SVEP1: variants seen among roughly 807,000 people sequenced by gnomAD.
The protein encoded by SVEP1 is sushi, von Willebrand factor type A, EGF and pentraxin domain containing 1.
Under a neutral mutation model 367.3 loss-of-function variants are expected in SVEP1, and 164 were observed. That is an observed-to-expected ratio of 0.45 (90% CI 0.39 to 0.51). SVEP1 has a LOEUF of 0.51. Among genes scored for constraint, SVEP1 ranks in the 20% least tolerant of loss-of-function variants. The probability of loss-of-function intolerance (pLI) is 0.00; values close to 1 mark genes in which losing one functional copy is unlikely to be tolerated. For synonymous variants in SVEP1, 1,666 were observed against 1,611.6 expected, an observed-to-expected ratio of 1.03 and a Z score of -0.81; for missense variants, 4,117 against 4,425.3, an observed-to-expected ratio of 0.93 and a Z score of 1.98.
At chr9:110,509,056 C>T (rs1829670378) in intron 5 of SVEP1, among the ~76,000 whole-genome samples, 1 of 152,086 alleles carries the variant, frequency 6.6e-6, no homozygotes, top group South Asian at 2.1e-4. Context: ...CTACTTTCTC[C>T]ATACTACCCA....
At chr9:110,546,475 TC>T (rs1475804116) in intron 2 of SVEP1, among the ~76,000 whole-genome samples, 184 bp from the exon 3 acceptor site, 11 of 152,204 alleles carry the variant, frequency 7.2e-5, no homozygotes, top group Non-Finnish European at 1.5e-4. Context: ...CTCTGGGAAT[TC>T]GTTGAAGCCA....
intron 46 of SVEP1, among the ~76,000 whole-genome samples, chr9:110,373,288 C>CAA: frequency 6.6e-6 from 1 of 152,286 alleles, no homozygotes; most frequent in South Asian, 2.1e-4. Context: ...GCCTCCAGGA[C>CAA]ATATTTCCTT....
chr9:110,430,122 T>G (rs201777542), intron 33 of SVEP1, 118 bp from the exon 34 acceptor site: 15,758 of 890,076 alleles, frequency 0.018, no homozygotes, highest in East Asian at 0.041. Flanking sequence ...TTTTTTTTTT[T>G]GGTGTGTGTG....
At chr9:110,503,471 G>C (rs1221158489) in intron 5 of SVEP1, among the ~76,000 whole-genome samples, 1 of 152,176 alleles carries the variant, frequency 6.6e-6, no homozygotes, top group Admixed American at 6.5e-5. Flanking sequence ...ACCTGTCTAA[G>C]AGGCCTGGCC....
At chr9:110,370,264 T>C (rs760726566) in intron 46 of SVEP1, among the ~76,000 whole-genome samples, 2 of 152,282 alleles carry the variant, frequency 1.3e-5, no homozygotes, top group African/African-American at 2.4e-5. Flanking sequence ...TACCTACTTA[T>C]TGAAGCCTTT....
At chr9:110,458,650 C>A (rs13287717) in intron 19 of SVEP1, 88 bp from the exon 20 acceptor site, 103,809 of 1,307,950 alleles carry the variant, frequency 0.079, 4,637 homozygotes, top group Non-Finnish European at 0.092. Context: ...TTCTGGTTGT[C>A]AGAGTGGGTA....
rs530715271 is a variant in SVEP1 at position 110,544,576 on chromosome 9, A to G, written c.964+1539T>C. ...AAAAATATAAAGATCTTCTTATAAG[A>G]AAACCTAGAGACGGAAAAATTACAA... On this transcript the variant is annotated intron_variant, in intron 3 of 47. Transcript: ENST00000374469. 2.4e-4 allele frequency among the ~76,000 whole-genome samples: 37 copies of G among 152,336 alleles called. No homozygotes were observed. In the East Asian group the frequency reaches 2.9e-3, roughly 12 times the overall value.
chr9:110,482,669 G>T (rs1829211273), intron 10 of SVEP1, among the ~76,000 whole-genome samples, 177 bp from the exon 11 acceptor site: 1 of 152,146 alleles, frequency 6.6e-6, no homozygotes, highest in Non-Finnish European at 1.5e-5. Context: ...TGGGATTACA[G>T]GCATTTGCCA....
Position 110,518,098 on chromosome 9 carries a change from T to G in SVEP1, c.965-3992A>C, listed in dbSNP as rs1829829356. Among the ~76,000 whole-genome samples, 3 of 152,126 alleles carry G rather than the reference T, an allele frequency of 2.0e-5. 1 individual carries two copies. The South Asian group carries it at 6.2e-4, about 32-fold the overall frequency. ...TCTACATTTTCTAGTTTTGTTACAA[T>G]GAATAGGTATTATGTGGGCAAAACC... On this transcript the variant is annotated intron_variant, in intron 3 of 47. Transcript: ENST00000374469.
chr9:110,556,333 C>T (rs1392514441), intron 1 of SVEP1, among the ~76,000 whole-genome samples: 1 of 152,166 alleles, frequency 6.6e-6, no homozygotes, highest in Non-Finnish European at 1.5e-5. Flanking sequence ...GAGGTCACAG[C>T]AGATCTGGCA....
At chr9:110,382,335 T>C (rs1372938758) in intron 43 of SVEP1, among the ~76,000 whole-genome samples, 1 of 152,208 alleles carries the variant, frequency 6.6e-6, no homozygotes, top group African/African-American at 2.4e-5. Context: ...CTTTCACTTA[T>C]GAAACTTAGT....
chr9:110,415,380 G>A (rs1828104159), intron 36 of SVEP1, among the ~76,000 whole-genome samples: 1 of 152,010 alleles, frequency 6.6e-6, no homozygotes, highest in Admixed American at 6.5e-5. Flanking sequence ...GCTTATATAA[G>A]GCCCAGGAGG....
intron 36 of SVEP1, among the ~76,000 whole-genome samples, chr9:110,426,235 G>A (rs1036595918): frequency 1.3e-5 from 2 of 152,088 alleles, no homozygotes; most frequent in Non-Finnish European, 1.5e-5. Context: ...TTATCTTTTC[G>A]CAAGAAAATA....
At chr9:110,466,594 T>TA (rs1239930721) in intron 17 of SVEP1, among the ~76,000 whole-genome samples, 5 of 150,514 alleles carry the variant, frequency 3.3e-5, no homozygotes, top group South Asian at 4.2e-4. Flanking sequence ...CCGTCTCTAC[T>TA]AAAAAAATAC....
intron 8 of SVEP1, 31 bp downstream of exon 8, chr9:110,496,784 A>G (rs747942190): frequency 1.4e-6 from 2 of 1,468,638 alleles, no homozygotes; most frequent in Non-Finnish European, 9.3e-7. Context: ...AATTCATTTG[A>G]AAAGGATGCA....
intron 36 of SVEP1, among the ~76,000 whole-genome samples, chr9:110,413,127 A>T: frequency 7.0e-6 from 1 of 143,204 alleles, no homozygotes; most frequent in African/African-American, 2.6e-5. Flanking sequence ...AATAGCAAAG[A>T]CTTGGAACCA....
chr9:110,559,639 G>T (rs184916612), intron 1 of SVEP1, among the ~76,000 whole-genome samples: 120 of 151,910 alleles, frequency 7.9e-4, no homozygotes, highest in African/African-American at 2.8e-3. Flanking sequence ...TTTGGAGGAC[G>T]GTTTGACAAA....
rs370499118 is a variant in SVEP1, at chr9:110,432,582, C to T, written c.5113G>A (p.Asp1705Asn). The T allele has an allele frequency of 6.2e-7, 1 of 1,613,836 alleles. No homozygotes were observed. Residue 1705 changes from aspartate to asparagine, a missense_variant, in exon 31 of 48, where the codon GAC becomes AAC. Physicochemically the swap from Asp to Asn is conservative, Grantham distance 23. Coordinates refer to ENST00000374469, the MANE Select transcript of SVEP1 (RefSeq NM_153366.4). ...PLENGFHSAD[D>N]FYAGSTVTYQ... is the part of the protein sequence containing the mutation. The stretch of plus-strand genomic sequence containing the variant: ...GTTACTGTGCTGCCAGCATAGAAGT[C>T]ATCGGCTGAATGGAAGCCATTCTCC...
intron 37 of SVEP1, among the ~76,000 whole-genome samples, chr9:110,409,590 A>G (rs766922556): frequency 2.0e-5 from 3 of 152,210 alleles, no homozygotes; most frequent in Non-Finnish European, 2.9e-5. Context: ...CAGTTCAAAA[A>G]AACTTTCTGC....
Sources: allele counts gnomAD v4.1 joint callset (sites outside exome capture counted in the v4.1 genomes callset), GRCh38; gene constraint gnomAD v4.1.1; transcripts MANE v1.5; gene names NCBI Gene and HGNC (gene_info 2026-07-23, HGNC 2026-07-21).